Variants in PTPRD observed in about 807,000 individuals in gnomAD.
PTPRD encodes the protein receptor-type tyrosine-protein phosphatase delta.
PTPRD carries 34 observed loss-of-function variants against 214.5 expected under a neutral mutation model. The observed-to-expected ratio is 0.16, with a 90% CI of 0.12 to 0.21. PTPRD has a LOEUF of 0.21. Ranked by LOEUF, PTPRD falls within the 10% of genes least tolerant of loss-of-function variation. The pLI, the probability that PTPRD is intolerant of heterozygous loss-of-function variation, is 1.00. For missense variants in PTPRD, 2,545 were observed against 2,398.7 expected (o/e 1.06, Z -1.27); for synonymous variants, 1,128 against 845.7 (o/e 1.33, Z -5.79).
At chr9:8,529,366 C>T (rs751334253) in intron 14 of PTPRD, among the ~76,000 whole-genome samples, 2 of 151,984 alleles carry the variant, frequency 1.3e-5, no homozygotes, top group African/African-American at 2.4e-5. Flanking sequence ...CAACCCAAAT[C>T]GATTACTTTG....
intron 2 of PTPRD, among the ~76,000 whole-genome samples, chr9:10,481,546 T>A (rs7856612): frequency 0.43 from 65,822 of 151,980 alleles, 15,812 homozygotes; most frequent in Admixed American, 0.59. Flanking sequence ...GCCTGATTTG[T>A]GTGTTATCAA....
chr9:8,626,804 A>C (rs1029051072), intron 14 of PTPRD, among the ~76,000 whole-genome samples: 1 of 151,652 alleles, frequency 6.6e-6, no homozygotes, highest in South Asian at 2.1e-4. Flanking sequence ...CTAGAACTGC[A>C]CATCAACTCT....
At chr9:9,410,872 C>A (rs2075169843) in intron 8 of PTPRD, among the ~76,000 whole-genome samples, 1 of 152,156 alleles carries the variant, frequency 6.6e-6, no homozygotes, top group Non-Finnish European at 1.5e-5. Context: ...AACTCTGCGA[C>A]CACGGTTGTG....
chr9:10,384,030 G>C (rs1204681284), intron 2 of PTPRD, among the ~76,000 whole-genome samples: 1 of 150,450 alleles, frequency 6.6e-6, no homozygotes, highest in African/African-American at 2.4e-5. Flanking sequence ...GACTGAGAAG[G>C]GTAGTGCAGG....
intron 9 of PTPRD, among the ~76,000 whole-genome samples, chr9:9,315,993 CAAAAT>C (rs1962781429): frequency 6.6e-6 from 1 of 151,698 alleles, no homozygotes; most frequent in Non-Finnish European, 1.5e-5. Context: ...TCCACATAAA[CAAAAT>C]AAAGTATACC....
At chr9:8,428,457 CT>C (rs975764675) in intron 35 of PTPRD, among the ~76,000 whole-genome samples, 1 of 152,066 alleles carries the variant, frequency 6.6e-6, no homozygotes, top group African/African-American at 2.4e-5. Context: ...TTGTTCTCAA[CT>C]TTTTTAAAAA....
At chr9:10,582,494 A>G (rs1189541135) in intron 2 of PTPRD, among the ~76,000 whole-genome samples, 3 of 152,172 alleles carry the variant, frequency 2.0e-5, no homozygotes, top group Non-Finnish European at 2.9e-5. Context: ...CCATATTATA[A>G]AACTATTTTA....
chr9:10,484,501 G>A (rs778157889), intron 2 of PTPRD, among the ~76,000 whole-genome samples: 4 of 151,938 alleles, frequency 2.6e-5, no homozygotes, highest in Non-Finnish European at 4.4e-5. Context: ...ACATTCTCAC[G>A]ACAAGTGTAC....
intron 11 of PTPRD, among the ~76,000 whole-genome samples, chr9:8,822,478 G>C (rs1160403708): frequency 6.6e-6 from 1 of 152,200 alleles, no homozygotes; most frequent in Non-Finnish European, 1.5e-5. Context: ...CCCAGAGAGA[G>C]TAGAACTGTT....
chr9:10,053,174 AT>A (rs1425592668), intron 3 of PTPRD, among the ~76,000 whole-genome samples: 1 of 152,222 alleles, frequency 6.6e-6, no homozygotes, highest in African/African-American at 2.4e-5. Context: ...TGATCCATGT[AT>A]GCTTAAAAGG....
chr9:10,042,854 G>T (rs1361117834), intron 3 of PTPRD, among the ~76,000 whole-genome samples: 4 of 151,832 alleles, frequency 2.6e-5, no homozygotes, highest in African/African-American at 9.7e-5. Context: ...CAAATGGAAA[G>T]AAAATTTCCA....
chr9:10,546,692 A>T (rs2060244681), intron 2 of PTPRD, among the ~76,000 whole-genome samples: 1 of 152,082 alleles, frequency 6.6e-6, no homozygotes, highest in African/African-American at 2.4e-5. Context: ...AATGAAGCAT[A>T]ATAGATAGTC....
intron 4 of PTPRD, among the ~76,000 whole-genome samples, chr9:9,946,270 ACT>A (rs895718469): frequency 1.3e-5 from 2 of 152,154 alleles, no homozygotes; most frequent in Non-Finnish European, 2.9e-5. Context: ...AATAGGTGGT[ACT>A]CAATACTTGC....
At chr9:9,711,969 C>A (rs1300436014) in intron 7 of PTPRD, among the ~76,000 whole-genome samples, 4 of 152,160 alleles carry the variant, frequency 2.6e-5, no homozygotes, top group African/African-American at 9.7e-5. Context: ...CAAATACTGT[C>A]ATTCTGATGC....
chr9:9,596,235 T>C (rs575905189), intron 7 of PTPRD, among the ~76,000 whole-genome samples: 1 of 151,998 alleles, frequency 6.6e-6, no homozygotes. Flanking sequence ...AAGACATCTT[T>C]AATGAATATT....
chr9:10,561,488 A>G (rs2063953886), intron 2 of PTPRD, among the ~76,000 whole-genome samples: 1 of 152,132 alleles, frequency 6.6e-6, no homozygotes, highest in South Asian at 2.1e-4. Context: ...TTACACCCCT[A>G]TTACCTAGAA....
At chr9:8,468,483 G>C (rs1367284253) in intron 31 of PTPRD, among the ~76,000 whole-genome samples, 1 of 151,894 alleles carries the variant, frequency 6.6e-6, no homozygotes, top group African/African-American at 2.4e-5. Context: ...TTGACAATAG[G>C]AGTTTCAGTT....
rs1020189020 is a variant in PTPRD, at chr9:10,144,721, G to A, written c.-544-110931C>T. On this transcript the variant is annotated intron_variant, in intron 3 of 45. Coordinates refer to ENST00000381196, the MANE Select transcript of PTPRD (RefSeq NM_002839.4). ...AGCTTCGTTAGATATTAATGAATCA[G>A]CTAAGGAGCCTCTATATGGCTGCTG... Among the ~76,000 whole-genome samples the A allele has an allele frequency of 4.6e-5, 7 of 152,148 alleles. No homozygotes were observed. The East Asian group carries it at 1.4e-3, about 29-fold the overall frequency.
intron 9 of PTPRD, among the ~76,000 whole-genome samples, chr9:9,302,601 C>CTTTTTTTTTTTTTTTTTTTT (rs3047853): frequency 8.9e-6 from 1 of 111,888 alleles, no homozygotes; most frequent in Non-Finnish European, 1.7e-5. Flanking sequence ...TTTTTTTTTT[C>CTTTTTTTTTTTTTTTTTTTT]TTTTTTTTTT....
Sources: gnomAD v4.1 joint callset for allele counts (sites outside exome capture counted in the v4.1 genomes callset) on GRCh38, gnomAD v4.1.1 for gene constraint, MANE v1.5 for transcripts, NCBI Gene and HGNC (gene_info 2026-07-23, HGNC 2026-07-21) for gene names.